ZFHX2: variants seen among roughly 807,000 people sequenced by gnomAD.
ZFHX2 encodes the protein zinc finger homeobox protein 2.
Under a neutral mutation model 164.8 loss-of-function variants are expected in ZFHX2, and 75 were observed. The observed-to-expected ratio is 0.46, with a 90% CI of 0.38 to 0.55. The LOEUF is 0.55. Among genes scored for constraint, ZFHX2 ranks in the 20% least tolerant of loss-of-function variants. The pLI is 0.00. For missense variants in ZFHX2, 2,933 were observed against 3,308.0 expected (o/e 0.89, Z 2.78); for synonymous variants, 1,217 against 1,351.4 (o/e 0.90, Z 2.18).
At chr14:23,541,916 TC>T (rs1208020500) in intron 1 of ZFHX2, among the ~76,000 whole-genome samples, 1 of 152,198 alleles carries the variant, frequency 6.6e-6, no homozygotes, top group Non-Finnish European at 1.5e-5. Context: ...TCTAGACCCT[TC>T]CCCTTTTATA....
Position 23,524,293 on chromosome 14 carries a change from T to G in ZFHX2, c.5649A>C (p.Thr1883=), listed in dbSNP as rs1357341165. 3.9e-5 allele frequency: 60 copies of G among 1,536,194 alleles called. No homozygotes were observed. The highest frequency in any genetic ancestry group is 5.1e-5 in the Non-Finnish European group (59 of 1,146,910). The change falls in exon 9 of 10, where the codon ACA becomes ACC. Residue 1883 remains threonine (T), a synonymous_variant. Coordinates refer to ENST00000419474, the MANE Select transcript of ZFHX2 (RefSeq NM_033400.3). This position sits in a 1 kb window ranked among gnomAD's most constrained non-coding sequence, Gnocchi z 5.6. The part of the protein sequence containing the change: ...YRWYMQDSNP[T]RKMLDCISEE... The stretch of plus-strand genomic sequence containing the variant: ...CGGAGATGCAGTCGAGCATCTTGCG[T>G]GTTGGGTTGGAATCCTGCATGTACC...
intron 1 of ZFHX2, among the ~76,000 whole-genome samples, chr14:23,540,541 ATTGT>A (rs1880688556): frequency 6.6e-6 from 1 of 152,152 alleles, no homozygotes; most frequent in Admixed American, 6.5e-5. Context: ...AGTATGGAGG[ATTGT>A]TTGGTATAAA....
In ZFHX2 at chr14:23,526,609, G is replaced by C. The variant is rs1033796000; in HGVS notation, c.3333C>G (p.Val1111=). The change falls in exon 9 of 10, where the codon GTC becomes GTG. Residue 1111 remains valine (V), a synonymous_variant. Coordinates refer to ENST00000419474, the MANE Select transcript of ZFHX2 (RefSeq NM_033400.3). The part of the protein sequence containing the change: ...LPEPPLASVE[V]PDKPSGSPGQ... The stretch of plus-strand genomic sequence containing the variant: ...CAGGGCTTCCTGAGGGTTTGTCTGG[G>C]ACCTCAACTGAGGCCAGGGGAGGCT... 1 of 1,535,784 alleles carries C rather than the reference G, an allele frequency of 6.5e-7. No individual in the cohort carries two copies. The highest frequency in any genetic ancestry group is 8.7e-7 in the Non-Finnish European group (1 of 1,146,842).
chr14:23,552,397 A>G (rs1357670759), upstream of ZFHX2, among the ~76,000 whole-genome samples: 1 of 148,048 alleles, frequency 6.8e-6, no homozygotes. Context: ...GGTTCAAGCG[A>G]TTCTCCTACC....
At chr14:23,528,655 T>C (rs1879104557) in intron 6 of ZFHX2, 1 of 985,258 alleles carries the variant, frequency 1.0e-6, no homozygotes, top group Non-Finnish European at 1.2e-6. Flanking sequence ...CAGCTCATCC[T>C]CCCTCAGGCT....
rs747164706 is a variant in ZFHX2, at chr14:23,532,603, C to G, written c.2523G>C (p.Arg841Ser). ...NSKEKMQLHA[R>S]GAAHEENSQI... is the part of the protein sequence containing the mutation. Reference sequence around the variant, plus strand: ...GGCTGTTTTCTTCGTGGGCTGCACCCCTGGCATGCAGCTGCATCTTCTCCT... The same window carrying G: ...GGCTGTTTTCTTCGTGGGCTGCACCGCTGGCATGCAGCTGCATCTTCTCCT... Residue 841 changes from arginine to serine, a missense_variant, in exon 3 of 10, where the codon AGG (arginine) becomes AGC (serine). Arg to Ser is a moderately radical substitution (Grantham distance 110, BLOSUM62 -1). Coordinates refer to ENST00000419474, the MANE Select transcript of ZFHX2 (RefSeq NM_033400.3). 6.9e-7 allele frequency: 1 copy of G among 1,452,570 alleles called. No individual in the cohort carries two copies. The highest frequency in any genetic ancestry group is 9.0e-7 in the Non-Finnish European group (1 of 1,105,552). 90.0% of individuals were successfully genotyped at this position (1,452,570 alleles called of 1,614,324 possible).
Position 23,525,813 on chromosome 14 carries a change from T to G in ZFHX2, c.4129A>C (p.Lys1377Gln), listed in dbSNP as rs1358691673. The change falls in exon 9 of 10, where the codon AAG becomes CAG. Residue 1377 changes from lysine to glutamine, a missense_variant. Lys to Gln is a moderately conservative substitution (Grantham distance 53). Transcript: ENST00000419474. The surrounding 1 kb of genome is among the most constrained non-coding windows in gnomAD (Gnocchi z 5.9). ...FYLHDLKVGPKLTLAGPAPVL... is the reference protein window; with the variant it reads ...FYLHDLKVGPQLTLAGPAPVL... ...GGTGCAGGCCCAGCTAGTGTCAGCT[T>G]GGGCCCCACCTTGAGATCGTGGAGG... 1.4e-6 allele frequency: 2 copies of G among 1,465,006 alleles called. No individual in the cohort carries two copies. Among genetic ancestry groups the G allele is most frequent in the Non-Finnish European group, 1.8e-6 (2 of 1,113,866 alleles). The allele number at this position is 1,465,006 out of a possible 1,614,324, so 90.8% of individuals were successfully genotyped here.
chr14:23,522,640 G>A lies in ZFHX2; in HGVS notation c.7041C>T (p.Pro2347=). Residue 2347 remains proline (P), a synonymous_variant, in exon 10 of 10, where the codon CCC becomes CCT. Transcript: ENST00000419474. ...TTCCCCCAGCAGGGGGCAATGGAAA[G>A]GGCAGGAACTGGCCCCCCAACAGGG... ...VPALLGGQFL[P]FPLPPAGGTA... 6.5e-7 allele frequency: 1 copy of A among 1,536,016 alleles called. No homozygotes were observed.
chr14:23,537,214 G>A (rs934860124), intron 1 of ZFHX2, among the ~76,000 whole-genome samples: 2 of 151,236 alleles, frequency 1.3e-5, no homozygotes, highest in African/African-American at 2.4e-5. Context: ...TGACAGAAGC[G>A]CCAAGGCTCC....
Position 23,523,510 on chromosome 14 carries a change from C to T in ZFHX2, c.6432G>A (p.Gln2144=). ...CATCACAATAGGGGCAGTCAGTGCG[C>T]TGGGCTGCTAAGAGGCCCTCACTGC... is the stretch of plus-strand genomic sequence containing the variant. ...GGSSEGLLAA[Q]RTDCPYCDVK... Residue 2144 remains glutamine (Q), a synonymous_variant, in exon 9 of 10, where the codon CAG becomes CAA. Coordinates refer to ENST00000419474, the MANE Select transcript of ZFHX2 (RefSeq NM_033400.3). This position sits in a 1 kb window ranked among gnomAD's most constrained non-coding sequence, Gnocchi z 4.1. 6.5e-7 allele frequency: 1 copy of T among 1,536,418 alleles called. No individual in the cohort carries two copies. The highest frequency in any genetic ancestry group is 8.7e-7 in the Non-Finnish European group (1 of 1,146,934).
upstream of ZFHX2, among the ~76,000 whole-genome samples, chr14:23,551,887 C>T (rs921461590): frequency 1.3e-5 from 2 of 152,164 alleles, no homozygotes; most frequent in African/African-American, 2.4e-5. This position sits in a 1 kb window ranked among gnomAD's most constrained non-coding sequence, Gnocchi z 5.3. Flanking sequence ...GACCCAGGGC[C>T]GGGGGCAGGC....
In ZFHX2 at chr14:23,534,680, G is replaced by C; in HGVS notation, c.646C>G (p.Pro216Ala). ...AFWSYQLAPN[P>A]PGDPKDGPMG... The stretch of plus-strand genomic sequence containing the variant: ...GGGCCATCTTTGGGATCTCCGGGTG[G>C]ATTTGGAGCCAGCTGGTAGCTCCAG... The change falls in exon 2 of 10, where the codon CCA (proline) becomes GCA (alanine). Residue 216 changes from proline (P) to alanine (A), a missense_variant. Physicochemically the swap from Pro to Ala is conservative, Grantham distance 27. Coordinates refer to ENST00000419474, the MANE Select transcript of ZFHX2 (RefSeq NM_033400.3). This position sits in a 1 kb window ranked among gnomAD's most constrained non-coding sequence, Gnocchi z 4.5. 1 of 1,536,198 alleles carries C rather than the reference G, an allele frequency of 6.5e-7. No homozygotes were observed. Among genetic ancestry groups the C allele is most frequent in the Admixed American group, 2.0e-5 (1 of 51,010 alleles).
chr14:23,526,006 G>T lies in ZFHX2; in HGVS notation c.3936C>A (p.Asp1312Glu), dbSNP rs765033269. ...GCAATCCAGATATGAAGCCACTGGT[G>T]TCAGGGCCCTTCTTCTCAGTGCCCA... ...GEVGTEKKGP[D>E]TSGFISGLPF... The change falls in exon 9 of 10, where the codon GAC (aspartate) becomes GAA (glutamate). Residue 1312 changes from aspartate to glutamate, a missense_variant. Transcript: ENST00000419474. 6.5e-7 allele frequency: 1 copy of T among 1,533,054 alleles called. No individual in the cohort carries two copies. The highest frequency in any genetic ancestry group is 8.7e-7 in the Non-Finnish European group (1 of 1,145,196). 95.0% of individuals were successfully genotyped at this position (1,533,054 alleles called of 1,614,324 possible).
chr14:23,536,035 C>T (rs1317881088), intron 1 of ZFHX2, among the ~76,000 whole-genome samples: 2 of 152,186 alleles, frequency 1.3e-5, no homozygotes, highest in African/African-American at 4.8e-5. Flanking sequence ...ACTTCAACAG[C>T]AACTTCTAAA....
chr14:23,524,371 G>C lies in ZFHX2; in HGVS notation c.5571C>G (p.Asp1857Glu). Residue 1857 changes from aspartate (D) to glutamate (E), a missense_variant, in exon 9 of 10, where the codon GAC (aspartate) becomes GAG (glutamate). Transcript: ENST00000419474. This position sits in a 1 kb window ranked among gnomAD's most constrained non-coding sequence, Gnocchi z 5.6. The part of the protein sequence containing the change: ...GGGGEGEPPR[D>E]KRLRTTILPE... The stretch of plus-strand genomic sequence containing the variant: ...GCAAGATGGTGGTGCGCAGGCGCTT[G>C]TCCCTGGGGGGCTCGCCCTCCCCTC... 1 of 1,536,232 alleles carries C rather than the reference G, an allele frequency of 6.5e-7. No homozygotes were observed. The highest frequency in any genetic ancestry group is 8.7e-7 in the Non-Finnish European group (1 of 1,146,922).
chr14:23,544,910 C>T (rs796777488), intron 1 of ZFHX2, among the ~76,000 whole-genome samples: 1 of 152,078 alleles, frequency 6.6e-6, no homozygotes, highest in African/African-American at 2.4e-5. Context: ...CCTTTCCTGT[C>T]CCCCATTGTT....
chr14:23,525,651 A>T lies in ZFHX2; in HGVS notation c.4291T>A (p.Leu1431Met). ...GCAGTGCGGGCAGCCTCGTTGGGCA[A>T]TGGGTCGGGGGGTGAGGAAGGCCCT... The part of the protein sequence containing the change: ...EAGPSSPPDP[L>M]PNEAARTAAK... The change falls in exon 9 of 10, where the codon TTG (leucine) becomes ATG (methionine). Residue 1431 changes from leucine to methionine, a missense_variant. By Grantham distance (15) the Leu-to-Met change is conservative. Coordinates refer to ENST00000419474, the MANE Select transcript of ZFHX2 (RefSeq NM_033400.3). The surrounding 1 kb of genome is among the most constrained non-coding windows in gnomAD (Gnocchi z 5.9). The T allele has an allele frequency of 6.5e-7, 1 of 1,535,696 alleles. No homozygotes were observed. The highest frequency in any genetic ancestry group is 8.7e-7 in the Non-Finnish European group (1 of 1,146,818).
rs2138778238 is a variant in ZFHX2 at position 23,532,816 on chromosome 14, C to T, written c.2310G>A (p.Lys770=). The change falls in exon 3 of 10, where the codon AAG becomes AAA. Residue 770 remains lysine, a synonymous_variant. Transcript: ENST00000419474. The part of the protein sequence containing the change: ...CKLCCYGTQL[K]ANFQLHLKTD... ...TCTTGAGGTGGAGTTGGAAGTTGGC[C>T]TTGAGCTGGGTGCCATAGCAGCAAA... is the stretch of plus-strand genomic sequence containing the variant. 1 of 1,536,566 alleles carries T rather than the reference C, an allele frequency of 6.5e-7. No homozygotes were observed. Among genetic ancestry groups the T allele is most frequent in the Non-Finnish European group, 8.7e-7 (1 of 1,147,036 alleles).
chr14:23,530,532 A>C, intron 4 of ZFHX2: 1 of 513,978 alleles, frequency 1.9e-6, no homozygotes, highest in Non-Finnish European at 3.7e-6. Flanking sequence ...AGAGAAATGT[A>C]GTAGGAGGGG....
Sources: allele counts gnomAD v4.1 joint callset (sites outside exome capture counted in the v4.1 genomes callset), GRCh38; gene constraint gnomAD v4.1.1; non-coding constraint Gnocchi (gnomAD v3.1); transcripts MANE v1.5; gene names NCBI Gene and HGNC (gene_info 2026-07-23, HGNC 2026-07-21).